The following A2ML1 variants were observed in gnomAD, a reference collection of about 807,000 sequenced individuals.
A2ML1 encodes alpha-2-macroglobulin-like protein 1.
A2ML1 carries 161 observed loss-of-function variants against 181.9 expected under a neutral mutation model. That is an observed-to-expected ratio of 0.89 (90% CI 0.78 to 1.01). The LOEUF (loss-of-function observed/expected upper bound fraction) is 1.01, where lower values mean the gene tolerates loss of function less well. Among genes scored for constraint, A2ML1 ranks in the 50% least tolerant of loss-of-function variants. The pLI, the probability that A2ML1 is intolerant of heterozygous loss-of-function variation, is 0.00. For synonymous variants in A2ML1, 663 were observed against 666.8 expected, an observed-to-expected ratio of 0.99 and a Z score of 0.09; for missense variants, 1,670 against 1,768.1, an observed-to-expected ratio of 0.94 and a Z score of 1.00.
chr12:8,878,537 C>T (rs1329269250), downstream of A2ML1, among the ~76,000 whole-genome samples: 1 of 152,178 alleles, frequency 6.6e-6, no homozygotes, highest in Admixed American at 6.6e-5. This position sits in a 1 kb window ranked among gnomAD's most constrained non-coding sequence, Gnocchi z 4.4. Context: ...TTGAAACCTA[C>T]ATTCAGGTAC....
At position 8,841,367 on chromosome 12, in the gene A2ML1, A is replaced by G. The variant is rs377270924; in HGVS notation, c.1081-2A>G. On this transcript the variant is annotated splice_acceptor_variant, in intron 10 of 35. Coordinates refer to ENST00000299698, the MANE Select transcript of A2ML1 (RefSeq NM_144670.6). LOFTEE classifies it high-confidence loss of function. ...TAATCCGTAATGATCTTTGTCCTTC[A>G]GATAAGAGTTAGGGGCCATGATGAC... 14 of 1,613,386 alleles carry G rather than the reference A, an allele frequency of 8.7e-6. No individual in the cohort carries two copies. The highest frequency in any genetic ancestry group is 1.6e-4 in the Middle Eastern group (1 of 6,078).
chr12:8,835,882 A>G (rs547902603), intron 6 of A2ML1, among the ~76,000 whole-genome samples: 2 of 151,952 alleles, frequency 1.3e-5, no homozygotes, highest in Non-Finnish European at 2.9e-5. Flanking sequence ...GCGTGGTGGC[A>G]GGTGCCTGTA....
intron 4 of A2ML1, among the ~76,000 whole-genome samples, chr12:8,832,929 C>T (rs1344232861): frequency 6.6e-6 from 1 of 151,474 alleles, no homozygotes; most frequent in Admixed American, 6.6e-5. Flanking sequence ...GATTGCTATA[C>T]TCAGTTATTC....
chr12:8,868,520 C>G lies in A2ML1; in HGVS notation c.4062-17C>G. 1 of 1,612,582 alleles carries G rather than the reference C, an allele frequency of 6.2e-7. No homozygotes were observed. The highest frequency in any genetic ancestry group is 8.5e-7 in the Non-Finnish European group (1 of 1,179,460). ...GAAGTAATAGGCTCACATGTGTTTT[C>G]TTCTTCCTGCTCTCAGTTATGTGGG... On this transcript the variant is annotated splice_polypyrimidine_tract_variant and intron_variant, in intron 31 of 35. Coordinates refer to ENST00000299698, the MANE Select transcript of A2ML1 (RefSeq NM_144670.6).
chr12:8,853,365 GATTTTCAT>G (rs1461515172), intron 20 of A2ML1, among the ~76,000 whole-genome samples: 1 of 152,172 alleles, frequency 6.6e-6, no homozygotes, highest in Non-Finnish European at 1.5e-5. Flanking sequence ...CTCAAAGTTT[GATTTTCAT>G]ATGTATGAGT....
At chr12:8,873,732 C>A in intron 33 of A2ML1, among the ~76,000 whole-genome samples, 1 of 152,070 alleles carries the variant, frequency 6.6e-6, no homozygotes. Context: ...GAGGAGGTAT[C>A]ATTTGCTCAG....
rs1005702713 is a variant in A2ML1 at position 8,823,757 on chromosome 12, C to A, written c.284C>A (p.Thr95Lys). 1 of 1,614,050 alleles carries A rather than the reference C, an allele frequency of 6.2e-7. No homozygotes were observed. Among genetic ancestry groups the A allele is most frequent in the Non-Finnish European group, 8.5e-7 (1 of 1,180,004 alleles). Residue 95 changes from threonine (T) to lysine (K), a missense_variant, in exon 3 of 36, where the codon ACA (threonine) becomes AAA (lysine). Physicochemically the swap from Thr to Lys is moderately conservative, Grantham distance 78. Coordinates refer to ENST00000299698, the MANE Select transcript of A2ML1 (RefSeq NM_144670.6). ...GCTGGTGGCACAGAAGAAGTGGCCA[C>A]AATCCGGGTGTCGGGAGTTGGAAAT... ...PPAGGTEEVA[T>K]IRVSGVGNNI...
Position 8,857,595 on chromosome 12 carries a change from T to A in A2ML1, c.3107+7T>A. 6.2e-7 allele frequency: 1 copy of A among 1,607,926 alleles called. No individual in the cohort carries two copies. The highest frequency in any genetic ancestry group is 8.5e-7 in the Non-Finnish European group (1 of 1,176,998). ...ATGGAAATGGAAACACATGGTAATA[T>A]CACCCAATTCCCAATGAGTTCTGTA... On this transcript the variant is annotated splice_region_variant and intron_variant, in intron 25 of 35. Coordinates refer to ENST00000299698, the MANE Select transcript of A2ML1 (RefSeq NM_144670.6).
chr12:8,868,530 C>T lies in A2ML1; in HGVS notation c.4062-7C>T, dbSNP rs1424344797. ...GCTCACATGTGTTTTCTTCTTCCTG[C>T]TCTCAGTTATGTGGGGAGCCGTAGC... On this transcript the variant is annotated splice_polypyrimidine_tract_variant and splice_region_variant and intron_variant, in intron 31 of 35. Coordinates refer to ENST00000299698, the MANE Select transcript of A2ML1 (RefSeq NM_144670.6). 2 of 1,613,232 alleles carry T rather than the reference C, an allele frequency of 1.2e-6. No individual in the cohort carries two copies. Among genetic ancestry groups the T allele is most frequent in the African/African-American group, 1.3e-5 (1 of 74,784 alleles).
rs778857027 is a variant in A2ML1 at position 8,863,859 on chromosome 12, G to A, written c.3568G>A (p.Ala1190Thr). 2 of 1,614,242 alleles carry A rather than the reference G, an allele frequency of 1.2e-6. No individual in the cohort carries two copies. Among genetic ancestry groups the A allele is most frequent in the South Asian group, 1.1e-5 (1 of 91,092 alleles). Residue 1190 changes from alanine (A) to threonine (T), a missense_variant, in exon 29 of 36, where the codon GCG becomes ACG. By Grantham distance (58) the Ala-to-Thr change is moderately conservative (BLOSUM62 0). Transcript: ENST00000299698. ...GAACGCCAGCCCTTGGTCTGAGCCT[G>A]CGGCTGTAGATGTGGAACTCACAGC... is the stretch of plus-strand genomic sequence containing the variant. The part of the protein sequence containing the change: ...SSNASPWSEP[A>T]AVDVELTAYA...
At chr12:8,884,034 C>T (rs1231552777) in intron 7 of A2ML1, among the ~76,000 whole-genome samples, 1 of 152,124 alleles carries the variant, frequency 6.6e-6, no homozygotes, top group African/African-American at 2.4e-5. Context: ...TATCTGCCTG[C>T]CTTGGCCTCC....
At chr12:8,860,500 G>T (rs1367622175) in intron 26 of A2ML1, among the ~76,000 whole-genome samples, 1 of 152,194 alleles carries the variant, frequency 6.6e-6, no homozygotes, top group Non-Finnish European at 1.5e-5. Flanking sequence ...GCTGGGTATT[G>T]TGCTGCTTGA....
At chr12:8,842,242 G>T (rs1367999938) in intron 11 of A2ML1, among the ~76,000 whole-genome samples, 1 of 149,008 alleles carries the variant, frequency 6.7e-6, no homozygotes, top group Non-Finnish European at 1.5e-5. Context: ...TTTTGAGACA[G>T]AGTCTCACTC....
intron 3 of A2ML1, among the ~76,000 whole-genome samples, chr12:8,824,222 G>GGT (rs1942847563): frequency 2.3e-4 from 21 of 92,306 alleles, no homozygotes; most frequent in African/African-American, 8.6e-4. Context: ...AGCTACTGGG[G>GGT]TTTTTTTTTT....
intron 26 of A2ML1, 101 bp from the exon 27 acceptor site, chr12:8,860,775 TAAAAA>T: frequency 1.1e-6 from 1 of 951,200 alleles, no homozygotes; most frequent in South Asian, 1.4e-5. Flanking sequence ...TTTTTCTTTT[TAAAAA>T]TTATTCATCT....
intron 23 of A2ML1, among the ~76,000 whole-genome samples, chr12:8,856,925 T>A (rs1258021694): frequency 1.3e-5 from 2 of 150,778 alleles, no homozygotes; most frequent in Non-Finnish European, 3.0e-5. Context: ...TTTGTATTTT[T>A]AGTAGAGACA....
At chr12:8,853,175 A>G (rs756847387) in intron 20 of A2ML1, among the ~76,000 whole-genome samples, 14 of 151,884 alleles carry the variant, frequency 9.2e-5, no homozygotes, top group African/African-American at 3.4e-4. Flanking sequence ...TTCAGTTGGC[A>G]GAGAAGCGGT....
At chr12:8,855,387 C>T in intron 22 of A2ML1, 122 bp from the exon 23 acceptor site, 1 of 821,244 alleles carries the variant, frequency 1.2e-6, no homozygotes, top group South Asian at 1.6e-5. Flanking sequence ...CTTTCTGCAT[C>T]CCAGAGAAAG....
At position 8,884,244 on chromosome 12, in the gene A2ML1, TTG is replaced by T. The variant is rs1182577131; in HGVS notation, c.*95-2261_*95-2260del. Among the ~76,000 whole-genome samples, 68 of 146,052 alleles carry T rather than the reference TTG, an allele frequency of 4.7e-4. 1 individual carries two copies. The highest frequency in any genetic ancestry group is 4.5e-3 in the East Asian group (23 of 5,118). ...TTTTTATTTTTTGTTTTTTTTTGTT[TTG>T]TTTTTTTTTAACTATTTTCCTTTTT... On this transcript the variant is annotated intron_variant and NMD_transcript_variant, in intron 7 of 7. Coordinates refer to the A2ML1 transcript ENST00000537475.
Sources: allele counts gnomAD v4.1 joint callset (sites outside exome capture counted in the v4.1 genomes callset), GRCh38; gene constraint gnomAD v4.1.1; non-coding constraint Gnocchi (gnomAD v3.1); transcripts MANE v1.5; gene names NCBI Gene and HGNC (gene_info 2026-07-23, HGNC 2026-07-21).